LNPEP: variants seen among roughly 807,000 people sequenced by gnomAD.
LNPEP encodes leucyl-cystinyl aminopeptidase.
A neutral mutation model predicts 120.6 loss-of-function variants in LNPEP; 64 were observed. The observed-to-expected ratio is 0.53, with a 90% CI of 0.43 to 0.65. The LOEUF is 0.65. Among genes scored for constraint, LNPEP ranks in the 30% least tolerant of loss-of-function variants. The pLI, the probability that LNPEP is intolerant of heterozygous loss-of-function variation, is 0.00. For synonymous variants in LNPEP, 435 were observed against 425.4 expected (o/e 1.02, Z -0.28); for missense variants, 1,057 against 1,200.0 (o/e 0.88, Z 1.76).
intron 11 of LNPEP, among the ~76,000 whole-genome samples, chr5:97,011,391 C>T (rs549915360): frequency 3.1e-4 from 47 of 152,148 alleles, no homozygotes; most frequent in Admixed American, 2.1e-3. Context: ...TGTCACCATG[C>T]GGGCTAATTT....
intron 1 of LNPEP, among the ~76,000 whole-genome samples, chr5:96,978,319 T>C (rs1790048578): frequency 6.6e-6 from 1 of 152,294 alleles, no homozygotes; most frequent in East Asian, 1.9e-4. Flanking sequence ...TGAGATCCAC[T>C]AACACTCATG....
chr5:96,954,008 G>A (rs551617800), intron 1 of LNPEP, among the ~76,000 whole-genome samples: 2 of 152,282 alleles, frequency 1.3e-5, no homozygotes, highest in Admixed American at 6.5e-5. Context: ...AAATAAAATG[G>A]TTGCTAGTGT....
intron 13 of LNPEP, among the ~76,000 whole-genome samples, chr5:97,016,330 C>G (rs1791069724): frequency 6.6e-6 from 1 of 152,072 alleles, no homozygotes; most frequent in Admixed American, 6.6e-5. Flanking sequence ...TTGAAACACA[C>G]CAGAAACAAG....
intron 1 of LNPEP, among the ~76,000 whole-genome samples, chr5:96,954,794 T>C (rs1789421906): frequency 9.7e-6 from 1 of 103,320 alleles, no homozygotes; most frequent in Non-Finnish European, 2.0e-5. Flanking sequence ...TTTTTTTTTT[T>C]TTTTTTGAGA....
At position 97,035,018 on chromosome 5, in the gene LNPEP, A is replaced by G. The variant is rs548420393; in HGVS notation, c.*6485A>G. ...ATATTTGCTACATTCTGTGTGTTAT[A>G]TAATGTGGTACCCAGTCCTCTGCTG... On this transcript the variant is annotated 3_prime_UTR_variant, in exon 18 of 18. Transcript: ENST00000231368. 6.6e-6 allele frequency: 1 copy of G among 152,262 alleles called. No homozygotes were observed. The highest frequency in any genetic ancestry group is 2.4e-5 in the African/African-American group (1 of 41,558). 9.4% of individuals were successfully genotyped at this position (152,262 alleles called of 1,614,324 possible).
intron 2 of LNPEP, among the ~76,000 whole-genome samples, chr5:96,983,029 G>T (rs1002526582): frequency 2.6e-5 from 4 of 151,978 alleles, no homozygotes; most frequent in Non-Finnish European, 5.9e-5. Context: ...CTGGTGTTTG[G>T]CAGTGGATTC....
In LNPEP at chr5:97,036,103, C is replaced by G. The variant is rs1791568434; in HGVS notation, c.*7570C>G. On this transcript the variant is annotated 3_prime_UTR_variant, in exon 18 of 18. Coordinates refer to ENST00000231368, the MANE Select transcript of LNPEP (RefSeq NM_005575.3). ...TAGCTTCTTTTTGAGGCCTGGACTT[C>G]TGATTCATCTATAGAAGTCTATTAT... 1.3e-5 allele frequency: 2 copies of G among 152,150 alleles called. No individual in the cohort carries two copies. The highest frequency in any genetic ancestry group is 4.1e-4 in the South Asian group (2 of 4,830). The allele number at this position is 152,150 out of a possible 1,614,324, so 9.4% of individuals were successfully genotyped here. A position where few individuals can be genotyped will look rare whatever the true frequency, so the allele number is the denominator to read the frequency against.
rs930201579 is a variant in LNPEP, at chr5:97,033,261, G to A, written c.*4728G>A. 3 of 152,154 alleles carry A rather than the reference G, an allele frequency of 2.0e-5. No individual in the cohort carries two copies. Among genetic ancestry groups the A allele is most frequent in the Non-Finnish European group, 4.4e-5 (3 of 68,052 alleles). 9.4% of individuals were successfully genotyped at this position (152,154 alleles called of 1,614,324 possible). On this transcript the variant is annotated 3_prime_UTR_variant, in exon 18 of 18. Transcript: ENST00000231368. ...ATTGACTGCTGGGCAGTAGCTAACA[G>A]AGTAGTTGTCAAGTGGCGTATTTGA... is the stretch of plus-strand genomic sequence containing the variant.
chr5:96,970,208 C>T (rs1789828163), intron 1 of LNPEP, among the ~76,000 whole-genome samples: 1 of 151,784 alleles, frequency 6.6e-6, no homozygotes, highest in Admixed American at 6.6e-5. Context: ...AGTATTGTTC[C>T]GATCTTCCGT....
Position 96,998,138 on chromosome 5 carries a change from A to G in LNPEP, c.1646A>G (p.Tyr549Cys). The G allele has an allele frequency of 1.9e-6, 3 of 1,596,704 alleles. No individual in the cohort carries two copies. The highest frequency in any genetic ancestry group is 2.6e-6 in the Non-Finnish European group (3 of 1,173,522). Residue 549 changes from tyrosine to cysteine, a missense_variant, in exon 8 of 18, where the codon TAT becomes TGT. By Grantham distance (194) the Tyr-to-Cys change is radical. Coordinates refer to ENST00000231368, the MANE Select transcript of LNPEP (RefSeq NM_005575.3). ...GAAGAAATGTTTGATTCTCTTTCCT[A>G]TTTTAAGGTATTGCTGTGAACAAAA... is the stretch of plus-strand genomic sequence containing the variant. ...QIEEMFDSLS[Y>C]FKGSSLLLML... is the part of the protein sequence containing the mutation.
At chr5:97,009,269 A>G (rs2112651659) in intron 11 of LNPEP, among the ~76,000 whole-genome samples, 1 of 152,266 alleles carries the variant, frequency 6.6e-6, no homozygotes. Context: ...GACAGTTTAG[A>G]TGCCCTACTT....
At chr5:96,997,778 T>C (rs1561446614) in intron 7 of LNPEP, among the ~76,000 whole-genome samples, 2 of 152,126 alleles carry the variant, frequency 1.3e-5, no homozygotes, top group Admixed American at 1.3e-4. Flanking sequence ...TGCTGTTGTT[T>C]AGGAAATGCT....
intron 1 of LNPEP, among the ~76,000 whole-genome samples, chr5:96,972,372 G>A (rs1789887579): frequency 6.6e-6 from 1 of 152,046 alleles, no homozygotes; most frequent in Non-Finnish European, 1.5e-5. Context: ...TGCCTAGGGT[G>A]TTATGAGTTC....
rs180990783 is a variant in LNPEP, at chr5:96,995,761, A to G, written c.1408-629A>G. On this transcript the variant is annotated intron_variant, in intron 6 of 17. Coordinates refer to ENST00000231368, the MANE Select transcript of LNPEP (RefSeq NM_005575.3). ...TGGCTTGAACTCCTGGCCTTAAGCA[A>G]TCCTCCTGCCTTGCCCTCCTAAAGC... Among the ~76,000 whole-genome samples the G allele has an allele frequency of 5.1e-4, 78 of 152,246 alleles. No homozygotes were observed. The East Asian group carries it at 0.012, about 24-fold the overall frequency.
At position 96,979,448 on chromosome 5, in the gene LNPEP, C is replaced by T; in HGVS notation, c.330C>T (p.Thr110=). The T allele has an allele frequency of 6.2e-7, 1 of 1,614,040 alleles. No homozygotes were observed. Among genetic ancestry groups the T allele is most frequent in the Non-Finnish European group, 8.5e-7 (1 of 1,179,956 alleles). ...DGACSVPSAR[T]MVVCAFVIVV... Reference sequence around the variant, plus strand: ...CTTGTTCAGTACCCTCTGCAAGGACCATGGTGGTCTGTGCTTTTGTCATCG... The same window carrying T: ...CTTGTTCAGTACCCTCTGCAAGGACTATGGTGGTCTGTGCTTTTGTCATCG... Residue 110 remains threonine, a synonymous_variant, in exon 2 of 18, where the codon ACC becomes ACT. Transcript: ENST00000231368.
chr5:96,950,343 T>A (rs1323177039), intron 1 of LNPEP, among the ~76,000 whole-genome samples: 1 of 152,232 alleles, frequency 6.6e-6, no homozygotes, highest in Non-Finnish European at 1.5e-5. Flanking sequence ...TGCAAGGACT[T>A]CTGGCTGACC....
intron 8 of LNPEP, among the ~76,000 whole-genome samples, chr5:96,998,408 A>G (rs1790569745): frequency 6.6e-6 from 1 of 152,138 alleles, no homozygotes; most frequent in Non-Finnish European, 1.5e-5. Context: ...TTTTAAAGTC[A>G]GTTTACTCTC....
chr5:97,014,073 G>C (rs1398103505), intron 12 of LNPEP, among the ~76,000 whole-genome samples: 2 of 152,014 alleles, frequency 1.3e-5, no homozygotes, highest in African/African-American at 4.8e-5. Flanking sequence ...TCAAAAACAG[G>C]ATACATATTT....
intron 6 of LNPEP, among the ~76,000 whole-genome samples, chr5:96,995,517 A>G (rs1199970329): frequency 6.6e-6 from 1 of 150,870 alleles, no homozygotes; most frequent in African/African-American, 2.4e-5. Flanking sequence ...ATTTGTTTAT[A>G]TATGCCATCT....
Sources: allele counts gnomAD v4.1 joint callset (sites outside exome capture counted in the v4.1 genomes callset), GRCh38; gene constraint gnomAD v4.1.1; transcripts MANE v1.5; gene names NCBI Gene and HGNC (gene_info 2026-07-23, HGNC 2026-07-21).